The following QKI variants were observed in gnomAD, a reference collection of about 807,000 sequenced individuals.
QKI encodes the protein KH domain-containing RNA-binding protein QKI.
In QKI, 10 loss-of-function variants were observed where a neutral mutation model predicts 39.0. The ratio of observed to expected loss-of-function variants is 0.26; its 90% confidence interval spans 0.16 to 0.43. The LOEUF (loss-of-function observed/expected upper bound fraction) is 0.43, where lower values mean the gene tolerates loss of function less well. QKI is among the 20% of genes least tolerant of loss of function. The probability of loss-of-function intolerance (pLI) is 1.00; values close to 1 mark genes in which losing one functional copy is unlikely to be tolerated. For missense variants in QKI, 218 were observed against 428.0 expected (o/e 0.51, Z 4.33); for synonymous variants, 204 against 155.4 (o/e 1.31, Z -2.33).
At chr6:163,470,075 T>C (rs1037228535) in intron 2 of QKI, among the ~76,000 whole-genome samples, 1 of 152,078 alleles carries the variant, frequency 6.6e-6, no homozygotes, top group Non-Finnish European at 1.5e-5. Context: ...ATCAGCAAGA[T>C]TGTGAAGAAT....
chr6:163,475,423 T>C (rs1286228030), intron 2 of QKI, among the ~76,000 whole-genome samples: 2 of 152,324 alleles, frequency 1.3e-5, no homozygotes, highest in South Asian at 2.1e-4. Flanking sequence ...TTAAGTAATC[T>C]AAAGATGATA....
chr6:163,511,978 T>TC lies in QKI; in HGVS notation c.403-23004_403-23003insC, dbSNP rs76844541. ...AAATTTGAGCAAATTAAATTAACGA[T>TC]AAAAAAAGAAGATACTGCATTACCA... On this transcript the variant is annotated intron_variant, in intron 3 of 7. Coordinates refer to ENST00000361752, the MANE Select transcript of QKI (RefSeq NM_006775.3). Among the ~76,000 whole-genome samples the TC allele has an allele frequency of 2.0e-3, 310 of 151,666 alleles. 5 individuals carry two copies. In the East Asian group the frequency reaches 0.053, roughly 26 times the overall value.
Position 163,577,173 on chromosome 6 carries a change from A to G in QKI, c.*6463A>G, listed in dbSNP as rs973790697. ...TGACTCCTTGTACCTTAAGTTTTCC[A>G]GTCTTTCTTATTTATATCATCTCCA... On this transcript the variant is annotated 3_prime_UTR_variant, in exon 8 of 8. Coordinates refer to ENST00000361752, the MANE Select transcript of QKI (RefSeq NM_006775.3). The G allele has an allele frequency of 2.0e-5, 3 of 152,098 alleles. No individual in the cohort carries two copies. Among genetic ancestry groups the G allele is most frequent in the African/African-American group, 7.2e-5 (3 of 41,398 alleles). 9.4% of individuals were successfully genotyped at this position (152,098 alleles called of 1,614,324 possible).
At chr6:163,443,435 G>A (rs11752044) in intron 1 of QKI, among the ~76,000 whole-genome samples, 25,535 of 152,216 alleles carry the variant, frequency 0.17, 2,511 homozygotes, top group Middle Eastern at 0.25. Context: ...CGGTGTGGTG[G>A]CGGGTGCCTG....
intron 4 of QKI, among the ~76,000 whole-genome samples, chr6:163,556,703 T>C (rs913908858): frequency 6.6e-6 from 1 of 152,124 alleles, no homozygotes; most frequent in Non-Finnish European, 1.5e-5. Context: ...TTTCTGTTTG[T>C]TACGGACTGG....
intron 4 of QKI, among the ~76,000 whole-genome samples, chr6:163,538,608 T>A (rs1781338396): frequency 6.6e-6 from 1 of 152,030 alleles, no homozygotes; most frequent in Non-Finnish European, 1.5e-5. Context: ...TTGGAGGAAT[T>A]TGAGGAAAGG....
At chr6:163,472,374 C>T (rs531003051) in intron 2 of QKI, among the ~76,000 whole-genome samples, 94 of 152,220 alleles carry the variant, frequency 6.2e-4, no homozygotes, top group African/African-American at 2.2e-3. Flanking sequence ...TTTGGTCTTA[C>T]TGTCTCAAGG....
chr6:163,496,217 A>T (rs946001173), intron 3 of QKI, among the ~76,000 whole-genome samples: 2 of 152,084 alleles, frequency 1.3e-5, no homozygotes, highest in Admixed American at 1.3e-4. Context: ...ACTTGGTTAG[A>T]TGGTGATAGT....
At chr6:163,490,106 C>T (rs1010215209) in intron 3 of QKI, among the ~76,000 whole-genome samples, 1 of 152,120 alleles carries the variant, frequency 6.6e-6, no homozygotes, top group East Asian at 1.9e-4. Context: ...GTAGAATTCG[C>T]TATGAAAACA....
intron 7 of QKI, 54 bp from the exon 8 acceptor site, chr6:163,570,640 C>G: frequency 4.4e-6 from 7 of 1,602,682 alleles, no homozygotes; most frequent in Non-Finnish European, 5.1e-6. Context: ...AATCTCTTCT[C>G]TATCTTTTCT....
At chr6:163,428,734 C>T (rs934178770) in intron 1 of QKI, among the ~76,000 whole-genome samples, 7 of 136,790 alleles carry the variant, frequency 5.1e-5, no homozygotes, top group African/African-American at 2.0e-4. Flanking sequence ...TTTCCTAGTT[C>T]AGTTATATTG....
intron 3 of QKI, among the ~76,000 whole-genome samples, chr6:163,501,530 C>G (rs2128231812): frequency 6.6e-6 from 1 of 152,252 alleles, no homozygotes; most frequent in Middle Eastern, 3.4e-3. Flanking sequence ...AGGGAGAACC[C>G]CGTTCCATGC....
At position 163,472,270 on chromosome 6, in the gene QKI, C is replaced by T. The variant is rs543254266; in HGVS notation, c.286-6510C>T. The stretch of plus-strand genomic sequence containing the variant: ...AAGAAATCATAAGGAAGAAAAAATA[C>T]GTTTATTATTCATTAAGTGGAAGTA... On this transcript the variant is annotated intron_variant, in intron 2 of 7. Coordinates refer to ENST00000361752, the MANE Select transcript of QKI (RefSeq NM_006775.3). 4.6e-5 allele frequency among the ~76,000 whole-genome samples: 7 copies of T among 152,100 alleles called. No individual in the cohort carries two copies. The South Asian group carries it at 6.2e-4, about 14-fold the overall frequency.
At chr6:163,492,986 A>C (rs531411872) in intron 3 of QKI, among the ~76,000 whole-genome samples, 8 of 152,112 alleles carry the variant, frequency 5.3e-5, no homozygotes, top group African/African-American at 7.2e-5. Flanking sequence ...GTGTAGAAAA[A>C]ATTTAGATAA....
At chr6:163,564,240 G>A (rs986739802) in intron 6 of QKI, 1 of 1,028,998 alleles carries the variant, frequency 9.7e-7, no homozygotes, top group South Asian at 3.9e-5. Flanking sequence ...CTTAACAACG[G>A]GGATACAGTC....
chr6:163,510,089 A>G (rs1779343900), intron 3 of QKI, among the ~76,000 whole-genome samples: 1 of 151,982 alleles, frequency 6.6e-6, no homozygotes, highest in African/African-American at 2.4e-5. Flanking sequence ...GGTGATGCGC[A>G]TTTGTAATGC....
At chr6:163,461,059 T>C (rs1344412874) in intron 2 of QKI, among the ~76,000 whole-genome samples, 2 of 152,212 alleles carry the variant, frequency 1.3e-5, no homozygotes, top group Non-Finnish European at 2.9e-5. Flanking sequence ...TTTGATAATA[T>C]AGGGCATATC....
At chr6:163,484,665 T>C (rs1178358409) in intron 3 of QKI, among the ~76,000 whole-genome samples, 1 of 152,206 alleles carries the variant, frequency 6.6e-6, no homozygotes, top group Non-Finnish European at 1.5e-5. Flanking sequence ...AAGTTTTAGA[T>C]GTAATCTTCT....
At chr6:163,534,499 TTTGA>T (rs1781072146) in intron 3 of QKI, among the ~76,000 whole-genome samples, 1 of 152,210 alleles carries the variant, frequency 6.6e-6, no homozygotes. Context: ...GAATGAAAAC[TTTGA>T]TTCAGTTCCT....
Sources: gnomAD v4.1 joint callset for allele counts (sites outside exome capture counted in the v4.1 genomes callset) on GRCh38, gnomAD v4.1.1 for gene constraint, MANE v1.5 for transcripts, NCBI Gene and HGNC (gene_info 2026-07-23, HGNC 2026-07-21) for gene names.